Variants in SBK1 observed in about 807,000 individuals in gnomAD.
SBK1 encodes the protein serine/threonine-protein kinase SBK1.
A neutral mutation model predicts 24.4 loss-of-function variants in SBK1; 11 were observed. The ratio of observed to expected loss-of-function variants is 0.45; its 90% CI spans 0.28 to 0.75. The LOEUF (loss-of-function observed/expected upper bound fraction) is 0.75, where lower values mean the gene tolerates loss of function less well. SBK1 is among the 30% of genes least tolerant of loss of function. The probability of loss-of-function intolerance (pLI) is 0.12; values close to 1 mark genes in which losing one functional copy is unlikely to be tolerated. For synonymous variants in SBK1, 308 were observed against 284.4 expected, an observed-to-expected ratio of 1.08 and a Z score of -0.83; for missense variants, 467 against 620.5, an observed-to-expected ratio of 0.75 and a Z score of 2.63.
At position 28,320,178 on chromosome 16, in the gene SBK1, G is replaced by A. The variant is rs1404207838; in HGVS notation, c.532G>A (p.Glu178Lys). The A allele has an allele frequency of 1.3e-6, 2 of 1,592,560 alleles. No homozygotes were observed. The highest frequency in any genetic ancestry group is 1.7e-6 in the Non-Finnish European group (2 of 1,175,010). Reference sequence around the variant, plus strand: ...GCTGGTGCACCGCGACATCAAGCCCGAGAACGTGCTGCTGTTCGACCGCGA... The same window carrying A: ...GCTGGTGCACCGCGACATCAAGCCCAAGAACGTGCTGCTGTTCGACCGCGA... ...RQLVHRDIKP[E>K]NVLLFDRECR... The change falls in exon 4 of 4, where the codon GAG becomes AAG. Residue 178 changes from glutamate to lysine, a missense_variant. This residue lies in a region of SBK1 where 92 missense variants were observed against 193.8 expected (regional missense o/e 0.47). Transcript: ENST00000341901. The surrounding 1 kb of genome is among the most constrained non-coding windows in gnomAD (Gnocchi z 8.5).
intron 1 of SBK1, among the ~76,000 whole-genome samples, chr16:28,272,159 T>A (rs2044469524): frequency 6.6e-6 from 1 of 152,196 alleles, no homozygotes; most frequent in South Asian, 2.1e-4. Flanking sequence ...AGCCTCCATC[T>A]CCTGGGCTCA....
intron 1 of SBK1, among the ~76,000 whole-genome samples, chr16:28,316,264 A>G (rs2044794826): frequency 6.6e-6 from 1 of 152,124 alleles, no homozygotes; most frequent in Non-Finnish European, 1.5e-5. Context: ...TGATGCAATC[A>G]TGGCCCTCAG....
intron 1 of SBK1, among the ~76,000 whole-genome samples, chr16:28,280,026 C>T (rs898373763): frequency 8.1e-5 from 12 of 147,342 alleles, no homozygotes; most frequent in South Asian, 2.1e-4. Flanking sequence ...CTATTGACCA[C>T]GCTGGAATAC....
At chr16:28,270,700 G>A (rs2044459678) in intron 1 of SBK1, among the ~76,000 whole-genome samples, 1 of 151,980 alleles carries the variant, frequency 6.6e-6, no homozygotes, top group Non-Finnish European at 1.5e-5. Context: ...TGGGATTACA[G>A]GCATGAGCCA....
chr16:28,261,768 T>G (rs1443908618), intron 1 of SBK1, among the ~76,000 whole-genome samples: 1 of 152,146 alleles, frequency 6.6e-6, no homozygotes, highest in Non-Finnish European at 1.5e-5. Flanking sequence ...TTCCTCCAGG[T>G]GAACAACGTA....
Position 28,315,992 on chromosome 16 carries a change from C to A in SBK1, c.-7-1393C>A, listed in dbSNP as rs144480828. Among the ~76,000 whole-genome samples the A allele has an allele frequency of 6.3e-4, 96 of 152,236 alleles. 2 individuals carry two copies. In the East Asian group the frequency reaches 0.018, roughly 29 times the overall value. ...CATTGACCAGTCTGGTCTCGAACTC[C>A]TGACCTCAAGTGATCCGCCCACTCA... On this transcript the variant is annotated intron_variant, in intron 1 of 3. Coordinates refer to ENST00000341901, the MANE Select transcript of SBK1 (RefSeq NM_001024401.3).
chr16:28,283,226 C>T lies in SBK1; in HGVS notation c.257+23724C>T, dbSNP rs372403934. Among the ~76,000 whole-genome samples the T allele has an allele frequency of 3.9e-5, 6 of 152,202 alleles. No individual in the cohort carries two copies. In the East Asian group the frequency reaches 5.8e-4, roughly 15 times the overall value. On this transcript the variant is annotated intron_variant, in intron 1 of 3. Coordinates refer to the SBK1 transcript ENST00000671413. ...GATTACAAGTATGAGCCACCGCGCCCGACCATACTCCCACATTTTTAAACC... is the reference window on the plus strand; with the variant it reads ...GATTACAAGTATGAGCCACCGCGCCTGACCATACTCCCACATTTTTAAACC...
intron 1 of SBK1, among the ~76,000 whole-genome samples, chr16:28,275,737 A>C (rs1355383873): frequency 6.6e-6 from 1 of 151,946 alleles, no homozygotes; most frequent in African/African-American, 2.4e-5. Context: ...AAAATTAGCC[A>C]ACCATGGTGC....
At chr16:28,304,504 A>G (rs2141582807) in intron 1 of SBK1, among the ~76,000 whole-genome samples, 1 of 152,310 alleles carries the variant, frequency 6.6e-6, no homozygotes, top group South Asian at 2.1e-4. Context: ...TTTGATCCTC[A>G]GTGTCCTTAT....
intron 1 of SBK1, among the ~76,000 whole-genome samples, chr16:28,262,079 G>A (rs1169597211): frequency 6.6e-6 from 1 of 152,242 alleles, no homozygotes; most frequent in African/African-American, 2.4e-5. Context: ...ACTGAGTGAT[G>A]TGTCCGCCCA....
At chr16:28,280,431 G>T (rs1029062801) in intron 1 of SBK1, among the ~76,000 whole-genome samples, 1 of 150,182 alleles carries the variant, frequency 6.7e-6, no homozygotes. Flanking sequence ...CTGGCCTCAG[G>T]CAGTCTTCCT....
chr16:28,268,719 C>T (rs1174963500), intron 1 of SBK1, among the ~76,000 whole-genome samples: 2 of 151,834 alleles, frequency 1.3e-5, no homozygotes, highest in Non-Finnish European at 1.5e-5. Context: ...GCCGAGATCG[C>T]ACCACTGCAC....
At position 28,322,117 on chromosome 16, in the gene SBK1, T is replaced by G. The variant is rs2044854492; in HGVS notation, c.*1196T>G. On this transcript the variant is annotated 3_prime_UTR_variant, in exon 4 of 4. Transcript: ENST00000341901. ...GGGCGAGTGTGTGACTAGGTGTGTG[T>G]GCACATGTGTAGGGTGCAGACGCAT... 3.3e-5 allele frequency: 5 copies of G among 152,696 alleles called. No individual in the cohort carries two copies. Among genetic ancestry groups the G allele is most frequent in the Admixed American group, 1.3e-4 (2 of 15,274 alleles). The allele number at this position is 152,696 out of a possible 1,614,324, so 9.5% of individuals were successfully genotyped here.
At chr16:28,312,927 A>T (rs1269744832) in intron 1 of SBK1, among the ~76,000 whole-genome samples, 16 of 152,194 alleles carry the variant, frequency 1.1e-4, no homozygotes, top group Admixed American at 9.8e-4. Context: ...TGAGGTCGGG[A>T]GTTCGAGACC....
intron 1 of SBK1, among the ~76,000 whole-genome samples, chr16:28,270,502 T>C (rs2044458413): frequency 6.6e-6 from 1 of 151,964 alleles, no homozygotes; most frequent in African/African-American, 2.4e-5. Context: ...CATGTCTCAC[T>C]GCAGTCTCAA....
At position 28,277,814 on chromosome 16, in the gene SBK1, CAG is replaced by C. The variant is rs547904762; in HGVS notation, c.257+18315_257+18316del. 6.0e-3 allele frequency among the ~76,000 whole-genome samples: 917 copies of C among 152,336 alleles called. 16 individuals carry two copies. Among genetic ancestry groups the C allele is most frequent in the Non-Finnish European group, 7.7e-3 (524 of 68,020 alleles). ...GAACCAGATAGAACAGAGACAGAGA[CAG>C]AGCGCGCGCCGCGGTCCCTCAGATC... On this transcript the variant is annotated intron_variant, in intron 1 of 3. Transcript: ENST00000671413.
intron 1 of SBK1, among the ~76,000 whole-genome samples, chr16:28,313,165 C>T (rs369901812): frequency 4.6e-5 from 7 of 152,076 alleles, no homozygotes; most frequent in East Asian, 3.9e-4. Context: ...CGTGGTGGCA[C>T]GTGCCTGTGG....
At chr16:28,302,872 G>C in intron 1 of SBK1, among the ~76,000 whole-genome samples, 1 of 151,778 alleles carries the variant, frequency 6.6e-6, no homozygotes, top group East Asian at 1.9e-4. Context: ...GTGAGGAAAA[G>C]AGACAGTCAT....
intron 1 of SBK1, among the ~76,000 whole-genome samples, chr16:28,298,405 C>T (rs141079069): frequency 1.3e-5 from 2 of 152,354 alleles, no homozygotes; most frequent in East Asian, 1.9e-4. Flanking sequence ...AGGATTTGCA[C>T]CCAGCTGTGT....
Sources: allele counts gnomAD v4.1 joint callset (sites outside exome capture counted in the v4.1 genomes callset), GRCh38; gene constraint gnomAD v4.1.1; regional missense constraint gnomAD v4.1.1; non-coding constraint Gnocchi (gnomAD v3.1); transcripts MANE v1.5; gene names NCBI Gene and HGNC (gene_info 2026-07-23, HGNC 2026-07-21).